The following LRRFIP1 variants were observed in gnomAD, a reference collection of about 807,000 sequenced individuals.
LRRFIP1 encodes the protein leucine-rich repeat flightless-interacting protein 1.
In LRRFIP1, 62 loss-of-function variants were observed where a neutral mutation model predicts 104.4. The observed-to-expected ratio is 0.59, with a 90% confidence interval of 0.48 to 0.73. The LOEUF is 0.73. Among genes scored for constraint, LRRFIP1 ranks in the 30% least tolerant of loss-of-function variants. LRRFIP1 has a pLI of 0.00. For synonymous variants in LRRFIP1, 300 were observed against 299.0 expected (o/e 1.00, Z -0.03); for missense variants, 796 against 824.5 (o/e 0.97, Z 0.42).
chr2:237,769,875 G>C, intron 19 of LRRFIP1, 68 bp from the exon 20 acceptor site: 1 of 1,118,622 alleles, frequency 8.9e-7, no homozygotes, highest in Non-Finnish European at 1.3e-6. Flanking sequence ...TCATTCTTCA[G>C]TTTAGCAATG....
chr2:237,708,763 C>A (rs2093939217), intron 2 of LRRFIP1, 133 bp downstream of exon 2: 4 of 1,008,460 alleles, frequency 4.0e-6, no homozygotes, highest in Non-Finnish European at 6.1e-6. Context: ...TGCGTTTGCG[C>A]CTGTGACTTC....
In LRRFIP1 at chr2:237,717,019, A is replaced by AT. The variant is rs571061359; in HGVS notation, c.202-731dup. ...AAAACATTATGAAATTTTTTTTGCA[A>AT]TTTTTTTTTTTTAGCTTATCAGCTA... is the stretch of plus-strand genomic sequence containing the variant. On this transcript the variant is annotated intron_variant, in intron 3 of 23. Transcript: ENST00000308482. This position sits in a 1 kb window ranked among gnomAD's most constrained non-coding sequence, Gnocchi z 4.2. 9.7e-4 allele frequency among the ~76,000 whole-genome samples: 143 copies of AT among 147,324 alleles called. 1 individual carries two copies. Among genetic ancestry groups the AT allele is most frequent in the Middle Eastern group, 3.6e-3 (1 of 280 alleles).
At chr2:237,774,553 T>C (rs2060921301) in intron 23 of LRRFIP1, 91 bp downstream of exon 23, 1 of 838,180 alleles carries the variant, frequency 1.2e-6, no homozygotes, top group Admixed American at 2.2e-5. Flanking sequence ...CTGTGACATC[T>C]GCCCCTGGGC....
intron 23 of LRRFIP1, among the ~76,000 whole-genome samples, chr2:237,777,036 TAAAAA>T (rs58250582): frequency 6.6e-6 from 1 of 151,616 alleles, no homozygotes; most frequent in African/African-American, 2.4e-5. Context: ...TTATTTAACT[TAAAAA>T]AAAATTAAAG....
intron 20 of LRRFIP1, chr2:237,770,206 T>C (rs1576414722): frequency 1.9e-6 from 1 of 529,432 alleles, no homozygotes; most frequent in East Asian, 3.0e-5. Flanking sequence ...TGAGGTTTAA[T>C]AAGGATGTCT....
intron 1 of LRRFIP1, among the ~76,000 whole-genome samples, chr2:237,646,549 G>T (rs183152761): frequency 1.3e-5 from 2 of 151,904 alleles, no homozygotes; most frequent in East Asian, 1.9e-4. Flanking sequence ...CCACAAGCCC[G>T]CATTCGTATT....
At chr2:237,775,648 A>G (rs1349741414) in intron 23 of LRRFIP1, among the ~76,000 whole-genome samples, 1 of 152,216 alleles carries the variant, frequency 6.6e-6, no homozygotes, top group Non-Finnish European at 1.5e-5. Context: ...TGTGGGCAAC[A>G]TAGTGAAAAC....
chr2:237,768,881 C>T (rs148858079), intron 19 of LRRFIP1: 1 of 152,258 alleles, frequency 6.6e-6, no homozygotes, highest in African/African-American at 2.4e-5. Flanking sequence ...GGAGGTAGGC[C>T]GCATGACAGC....
At chr2:237,686,574 A>T (rs1237775923) in intron 1 of LRRFIP1, among the ~76,000 whole-genome samples, 1 of 152,204 alleles carries the variant, frequency 6.6e-6, no homozygotes, top group Non-Finnish European at 1.5e-5. Flanking sequence ...GGGAGAGCCC[A>T]TTCATAACCT....
chr2:237,682,936 G>A (rs1050261182), intron 1 of LRRFIP1, among the ~76,000 whole-genome samples: 5 of 152,236 alleles, frequency 3.3e-5, no homozygotes, highest in Non-Finnish European at 7.3e-5. Flanking sequence ...TGGGCACCTC[G>A]GATGCAGGTA....
intron 15 of LRRFIP1, among the ~76,000 whole-genome samples, chr2:237,755,134 T>TA (rs1400492589): frequency 1.3e-5 from 2 of 152,090 alleles, no homozygotes; most frequent in Non-Finnish European, 1.5e-5. Context: ...GTGAGTTGGG[T>TA]CTCAGGCCGT....
At chr2:237,656,903 CTAATA>C (rs1249266534) in intron 1 of LRRFIP1, among the ~76,000 whole-genome samples, 1 of 152,176 alleles carries the variant, frequency 6.6e-6, no homozygotes, top group Non-Finnish European at 1.5e-5. Flanking sequence ...TGGAAGTTCA[CTAATA>C]TAATGTGACA....
In LRRFIP1 at chr2:237,739,227, G is replaced by A; in HGVS notation, c.556-5G>A. ...TGCGTGTCCTGGCGGTGGCTGTGTG[G>A]GCAGCCCTCGGAGTACAGCGGCCAC... On this transcript the variant is annotated splice_polypyrimidine_tract_variant and splice_region_variant and intron_variant, in intron 10 of 23. Coordinates refer to ENST00000308482, the MANE Select transcript of LRRFIP1 (RefSeq NM_001137550.2). 6.4e-7 allele frequency: 1 copy of A among 1,556,608 alleles called. No homozygotes were observed. Among genetic ancestry groups the A allele is most frequent in the Non-Finnish European group, 8.7e-7 (1 of 1,150,364 alleles).
intron 1 of LRRFIP1, among the ~76,000 whole-genome samples, chr2:237,701,942 C>T (rs2149908146): frequency 6.6e-6 from 1 of 152,324 alleles, no homozygotes; most frequent in Non-Finnish European, 1.5e-5. Flanking sequence ...AAAGACCCTG[C>T]AGGGGGAGAA....
At chr2:237,770,981 AT>A (rs1165463077) in intron 20 of LRRFIP1, among the ~76,000 whole-genome samples, 2 of 152,172 alleles carry the variant, frequency 1.3e-5, no homozygotes, top group Non-Finnish European at 2.9e-5. Context: ...TGGTAGGAAG[AT>A]TCTCTTGAAG....
intron 1 of LRRFIP1, among the ~76,000 whole-genome samples, chr2:237,675,138 G>A (rs917735595): frequency 1.3e-5 from 2 of 152,172 alleles, no homozygotes; most frequent in Admixed American, 6.5e-5. Flanking sequence ...CTGAGCCCCC[G>A]CTCTGAGGTC....
At chr2:237,778,928 C>A (rs201993935) in intron 23 of LRRFIP1, among the ~76,000 whole-genome samples, 15 of 138,936 alleles carry the variant, frequency 1.1e-4, no homozygotes, top group East Asian at 2.3e-4. Flanking sequence ...AAAAAAAAAA[C>A]AAACAAAAAA....
At chr2:237,684,243 G>A (rs901145507) in intron 1 of LRRFIP1, 11 of 151,170 alleles carry the variant, frequency 7.3e-5, no homozygotes, top group African/African-American at 1.5e-4. Context: ...AGGCCGAGGC[G>A]GGTAGATCTC....
intron 13 of LRRFIP1, among the ~76,000 whole-genome samples, chr2:237,750,919 C>T (rs988412304): frequency 6.6e-6 from 1 of 152,266 alleles, no homozygotes; most frequent in Non-Finnish European, 1.5e-5. Flanking sequence ...TTGAAATAAC[C>T]TGTACCGTTT....
Sources: allele counts gnomAD v4.1 joint callset (sites outside exome capture counted in the v4.1 genomes callset), GRCh38; gene constraint gnomAD v4.1.1; non-coding constraint Gnocchi (gnomAD v3.1); transcripts MANE v1.5; gene names NCBI Gene and HGNC (gene_info 2026-07-23, HGNC 2026-07-21).